ZNF90: variants seen among roughly 807,000 people sequenced by gnomAD.
The protein encoded by ZNF90 is zinc finger protein HTF9.
In ZNF90, 11 loss-of-function variants were observed where a neutral mutation model predicts 12.0. The ratio of observed to expected loss-of-function variants is 0.92; its 90% CI spans 0.58 to 1.52. ZNF90 has a LOEUF of 1.52. Among genes scored for constraint, ZNF90 ranks in the 40% most tolerant of loss-of-function variants. The pLI, the probability that ZNF90 is intolerant of heterozygous loss-of-function variation, is 0.00. For missense variants in ZNF90, 765 were observed against 711.5 expected, an observed-to-expected ratio of 1.08 and a Z score of -0.86; for synonymous variants, 232 against 240.1, an observed-to-expected ratio of 0.97 and a Z score of 0.31.
rs552855416 is a variant in ZNF90 at position 20,119,982 on chromosome 19, C to T, written c.*622C>T. On this transcript the variant is annotated 3_prime_UTR_variant, in exon 4 of 4. Transcript: ENST00000418063. ...ACAGTGCTTTTACCACCACCTCCAACTTTTCTGTACATAAAGATGATTATA... is the reference window on the plus strand; with the variant it reads ...ACAGTGCTTTTACCACCACCTCCAATTTTTCTGTACATAAAGATGATTATA... Among the ~76,000 whole-genome samples, 2 of 152,154 alleles carry T rather than the reference C, an allele frequency of 1.3e-5. No individual in the cohort carries two copies. The highest frequency in any genetic ancestry group is 2.9e-5 in the Non-Finnish European group (2 of 68,022).
chr19:20,111,403 T>C (rs1168553141), intron 3 of ZNF90, among the ~76,000 whole-genome samples: 1 of 152,210 alleles, frequency 6.6e-6, no homozygotes, highest in Non-Finnish European at 1.5e-5. Flanking sequence ...GTATTTTTTG[T>C]AGAGACAGAG....
chr19:20,106,614 C>T (rs1388364362), intron 3 of ZNF90, among the ~76,000 whole-genome samples: 2 of 152,166 alleles, frequency 1.3e-5, no homozygotes, highest in African/African-American at 4.8e-5. Context: ...CCACCACGCC[C>T]AGCTAATTTT....
intron 1 of ZNF90, among the ~76,000 whole-genome samples, chr19:20,094,218 A>G (rs1353038181): frequency 1.3e-5 from 2 of 152,154 alleles, no homozygotes; most frequent in East Asian, 1.9e-4. Flanking sequence ...TCAGAAATGC[A>G]TTGCCGTCTG....
In ZNF90 at chr19:20,119,231, T is replaced by C; in HGVS notation, c.1677T>C (p.His559=). ...SSQLTSHKIS[H]TGEKPYKCEE... ...AGCTTACTAGTCATAAGATAAGTCA[T>C]ACTGGAGAGAAACCCTACAAATGTG... Residue 559 remains histidine, a synonymous_variant, in exon 4 of 4, where the codon CAT becomes CAC. Transcript: ENST00000418063. 1 of 1,613,804 alleles carries C rather than the reference T, an allele frequency of 6.2e-7. No individual in the cohort carries two copies. The highest frequency in any genetic ancestry group is 1.1e-5 in the South Asian group (1 of 91,032).
At chr19:20,109,808 T>A (rs998555448) in intron 3 of ZNF90, among the ~76,000 whole-genome samples, 4 of 151,842 alleles carry the variant, frequency 2.6e-5, no homozygotes, top group Non-Finnish European at 4.4e-5. Flanking sequence ...GCCTCTACAC[T>A]CCAGCTTGGG....
chr19:20,101,646 T>C (rs1049836846), intron 1 of ZNF90, among the ~76,000 whole-genome samples: 1 of 152,204 alleles, frequency 6.6e-6, no homozygotes, highest in Non-Finnish European at 1.5e-5. Flanking sequence ...CTGCCATTTG[T>C]TGTCATGCTA....
chr19:20,096,190 G>A (rs979353036), intron 1 of ZNF90, among the ~76,000 whole-genome samples: 4 of 152,178 alleles, frequency 2.6e-5, no homozygotes, highest in Non-Finnish European at 4.4e-5. Context: ...GCCGCTTACC[G>A]GATTTGAAAT....
At chr19:20,099,532 A>G (rs1189982390) in intron 1 of ZNF90, among the ~76,000 whole-genome samples, 1 of 152,198 alleles carries the variant, frequency 6.6e-6, no homozygotes, top group African/African-American at 2.4e-5. Context: ...CCCTGTTAGG[A>G]AACCTGCTGG....
intron 1 of ZNF90, chr19:20,080,125 G>A: frequency 2.6e-6 from 1 of 392,032 alleles, no homozygotes; most frequent in South Asian, 2.1e-5. Flanking sequence ...AGTAGAGACA[G>A]AGTTTCTCCA....
At chr19:20,103,038 G>A (rs187437677) in intron 1 of ZNF90, among the ~76,000 whole-genome samples, 12 of 152,264 alleles carry the variant, frequency 7.9e-5, no homozygotes, top group African/African-American at 1.9e-4. Flanking sequence ...ACACCAGGTC[G>A]TGGGGGTGAC....
At chr19:20,084,349 G>A (rs989396784) in intron 1 of ZNF90, among the ~76,000 whole-genome samples, 5 of 152,172 alleles carry the variant, frequency 3.3e-5, no homozygotes, top group Admixed American at 6.5e-5. Flanking sequence ...GAGCCACTGC[G>A]CCAGGCTGAC....
At chr19:20,090,074 T>A (rs1555702587) in intron 1 of ZNF90, among the ~76,000 whole-genome samples, 2 of 152,024 alleles carry the variant, frequency 1.3e-5, no homozygotes, top group Non-Finnish European at 1.5e-5. Flanking sequence ...AAGAGGGAGT[T>A]AAGAGTGGTG....
chr19:20,087,509 C>T (rs1229439934), intron 1 of ZNF90: 1 of 152,216 alleles, frequency 6.6e-6, no homozygotes, highest in Non-Finnish European at 1.5e-5. Flanking sequence ...ATTTCCATTA[C>T]TGTGAAGGTG....
rs2089177151 is a variant in ZNF90, at chr19:20,119,452, C to T, written c.*92C>T. The T allele has an allele frequency of 7.6e-6, 8 of 1,048,902 alleles. No homozygotes were observed. Among genetic ancestry groups the T allele is most frequent in the South Asian group, 3.5e-5 (2 of 57,938 alleles). 65.0% of individuals were successfully genotyped at this position (1,048,902 alleles called of 1,614,324 possible). ...ACTGTTGGAAAGCCTTTGACCACCC[C>T]TCTACTCTTACTAAATATGAGAATT... On this transcript the variant is annotated 3_prime_UTR_variant, in exon 4 of 4. Coordinates refer to ENST00000418063, the MANE Select transcript of ZNF90 (RefSeq NM_007138.2).
intron 1 of ZNF90, among the ~76,000 whole-genome samples, chr19:20,103,048 C>CA (rs1247075171): frequency 6.6e-6 from 1 of 152,094 alleles, no homozygotes; most frequent in Non-Finnish European, 1.5e-5. Flanking sequence ...GTGGGGGTGA[C>CA]AAAGTCTGAT....
chr19:20,110,358 A>G (rs149358571), intron 3 of ZNF90, among the ~76,000 whole-genome samples: 1 of 151,904 alleles, frequency 6.6e-6, no homozygotes, highest in Non-Finnish European at 1.5e-5. Context: ...GGCTCACTGC[A>G]ACCCCTGCCT....
chr19:20,107,144 GAC>G, intron 3 of ZNF90: 1 of 385,864 alleles, frequency 2.6e-6, no homozygotes, highest in Non-Finnish European at 5.2e-6. Flanking sequence ...TCAGGTAACT[GAC>G]ACTGAGTCAT....
chr19:20,116,048 T>G (rs1307168783), intron 3 of ZNF90, among the ~76,000 whole-genome samples: 1 of 152,154 alleles, frequency 6.6e-6, no homozygotes, highest in Non-Finnish European at 1.5e-5. Context: ...AGTTTTTGTA[T>G]TTTTAGTACA....
In ZNF90 at chr19:20,118,474, A is replaced by C; in HGVS notation, c.920A>C (p.His307Pro). 1 of 1,613,736 alleles carries C rather than the reference A, an allele frequency of 6.2e-7. No individual in the cohort carries two copies. Among genetic ancestry groups the C allele is most frequent in the Non-Finnish European group, 8.5e-7 (1 of 1,179,848 alleles). ...SSILYVHKIS[H>P]TEEKPYKCEE... ...ATCCTTTATGTACATAAGATAAGTC[A>C]TACTGAAGAGAAACCCTACAAATGT... is the stretch of plus-strand genomic sequence containing the variant. Residue 307 changes from histidine (H) to proline (P), a missense_variant, in exon 4 of 4, where the codon CAT (histidine) becomes CCT (proline). Physicochemically the swap from His to Pro is moderately conservative, Grantham distance 77. Transcript: ENST00000418063.
Sources: allele counts gnomAD v4.1 joint callset (sites outside exome capture counted in the v4.1 genomes callset), GRCh38; gene constraint gnomAD v4.1.1; transcripts MANE v1.5; gene names NCBI Gene and HGNC (gene_info 2026-07-23, HGNC 2026-07-21).